MTUS2: variants seen among roughly 807,000 people sequenced by gnomAD.
MTUS2 encodes the protein microtubule associated scaffold protein 2.
MTUS2 carries 40 observed loss-of-function variants against 114.1 expected under a neutral mutation model. The ratio of observed to expected loss-of-function variants is 0.35; its 90% CI spans 0.27 to 0.46. The LOEUF is 0.46. Among genes scored for constraint, MTUS2 ranks in the 20% least tolerant of loss-of-function variants. MTUS2 has a pLI of 1.00. For missense variants in MTUS2, 1,679 were observed against 1,705.4 expected, an observed-to-expected ratio of 0.98 and a Z score of 0.27; for synonymous variants, 688 against 672.0, an observed-to-expected ratio of 1.02 and a Z score of -0.37.
chr13:28,841,223 A>T (rs2137986985), intron 2 of MTUS2, among the ~76,000 whole-genome samples: 1 of 152,334 alleles, frequency 6.6e-6, no homozygotes, highest in South Asian at 2.1e-4. Context: ...TTTGATAGAT[A>T]TTGGTTGACA....
At chr13:29,371,615 A>G (rs1312129545) in intron 8 of MTUS2, among the ~76,000 whole-genome samples, 7 of 152,212 alleles carry the variant, frequency 4.6e-5, no homozygotes, top group Non-Finnish European at 1.0e-4. Flanking sequence ...TTATTCATAA[A>G]ATGTTTCTGA....
intron 5 of MTUS2, among the ~76,000 whole-genome samples, chr13:29,153,024 T>C (rs1026026137): frequency 5.3e-5 from 8 of 152,230 alleles, no homozygotes; most frequent in Admixed American, 4.6e-4. Flanking sequence ...TAGGAGATCC[T>C]GTGACCCTGG....
chr13:29,004,479 T>C (rs1885520414), intron 2 of MTUS2, among the ~76,000 whole-genome samples: 1 of 152,230 alleles, frequency 6.6e-6, no homozygotes, highest in Admixed American at 6.5e-5. Context: ...TTTAAGTGAA[T>C]GTTTGTAAGA....
intron 5 of MTUS2, among the ~76,000 whole-genome samples, chr13:29,122,448 G>GA (rs1259462023): frequency 6.6e-6 from 1 of 152,134 alleles, no homozygotes; most frequent in Non-Finnish European, 1.5e-5. Context: ...AGCAAAGGGG[G>GA]AAAAGCCCCT....
intron 5 of MTUS2, among the ~76,000 whole-genome samples, chr13:29,262,588 A>G (rs1897516952): frequency 6.6e-6 from 1 of 150,930 alleles, no homozygotes; most frequent in Admixed American, 6.6e-5. Context: ...AAAAAAAGTA[A>G]GTTTGAAGGA....
chr13:29,090,605 G>T (rs1316998348), intron 4 of MTUS2, among the ~76,000 whole-genome samples: 1 of 152,246 alleles, frequency 6.6e-6, no homozygotes, highest in African/African-American at 2.4e-5. Flanking sequence ...GGCAGTGGCT[G>T]CCAGCAAGCA....
At chr13:29,407,026 C>G (rs1874807927) in intron 8 of MTUS2, among the ~76,000 whole-genome samples, 1 of 152,168 alleles carries the variant, frequency 6.6e-6, no homozygotes, top group Non-Finnish European at 1.5e-5. Flanking sequence ...CGGGTGATCA[C>G]TTGAGGTCAG....
chr13:29,369,659 G>C (rs551941014), intron 8 of MTUS2, among the ~76,000 whole-genome samples: 1 of 152,224 alleles, frequency 6.6e-6, no homozygotes, highest in Non-Finnish European at 1.5e-5. Context: ...GTGTATACCT[G>C]TGATCCAGTC....
intron 8 of MTUS2, among the ~76,000 whole-genome samples, chr13:29,400,777 T>C (rs1034091013): frequency 6.6e-6 from 1 of 152,198 alleles, no homozygotes; most frequent in Non-Finnish European, 1.5e-5. Flanking sequence ...TAGGTATACA[T>C]TTTTCCCCTA....
At chr13:29,443,354 C>T (rs538707415) in intron 9 of MTUS2, among the ~76,000 whole-genome samples, 11 of 152,276 alleles carry the variant, frequency 7.2e-5, no homozygotes, top group African/African-American at 2.2e-4. Context: ...GGTTGGGTGC[C>T]GGGTGTGCCA....
intron 11 of MTUS2, among the ~76,000 whole-genome samples, chr13:29,491,828 G>GTT (rs1257747170): frequency 1.3e-5 from 2 of 149,696 alleles, no homozygotes; most frequent in African/African-American, 2.5e-5. Flanking sequence ...AGGTGTGTGT[G>GTT]TGTGGTAGGT....
At chr13:29,054,079 A>G (rs541637007) in intron 4 of MTUS2, among the ~76,000 whole-genome samples, 77 of 152,306 alleles carry the variant, frequency 5.1e-4, no homozygotes, top group African/African-American at 1.8e-3. Flanking sequence ...AGTGTCTGAA[A>G]TTGTTAGTCT....
chr13:29,024,507 TTCCTGCTGTATA>T lies in MTUS2; in HGVS notation c.-189_-178del, dbSNP rs1236939650. The stretch of plus-strand genomic sequence containing the variant: ...TCAGCAGGAACCTAACAGATAAGTC[TTCCTGCTGTATA>T]TCAAGACAATGCTTGGTTTTCAAGC... On this transcript the variant is annotated 5_prime_UTR_variant, in exon 3 of 16. Transcript: ENST00000612955. The T allele has an allele frequency of 1.6e-6, 1 of 641,026 alleles. No homozygotes were observed. Among genetic ancestry groups the T allele is most frequent in the Non-Finnish European group, 2.6e-6 (1 of 377,508 alleles). 39.7% of individuals were successfully genotyped at this position (641,026 alleles called of 1,614,324 possible).
chr13:29,337,062 A>ATC (rs1005285902), intron 7 of MTUS2, among the ~76,000 whole-genome samples: 4 of 152,094 alleles, frequency 2.6e-5, no homozygotes, highest in African/African-American at 9.7e-5. Context: ...AAGCCAGTGG[A>ATC]TCTTAGCTTG....
chr13:29,140,897 C>G (rs890927567), intron 5 of MTUS2, among the ~76,000 whole-genome samples: 1 of 152,156 alleles, frequency 6.6e-6, no homozygotes, highest in African/African-American at 2.4e-5. Context: ...GCCTGGCATT[C>G]TATTTCTAGA....
intron 9 of MTUS2, among the ~76,000 whole-genome samples, chr13:29,441,027 C>A (rs1877803244): frequency 6.6e-6 from 1 of 152,182 alleles, no homozygotes; most frequent in Non-Finnish European, 1.5e-5. Context: ...TCTGTGACTT[C>A]TTTTAACATT....
At chr13:28,831,369 TAAACATGACTC>T (rs1489284812) in intron 1 of MTUS2, among the ~76,000 whole-genome samples, 6 of 152,032 alleles carry the variant, frequency 3.9e-5, no homozygotes, top group African/African-American at 1.5e-4. Flanking sequence ...AAACATGAAA[TAAACATGACTC>T]AACTATATGC....
intron 9 of MTUS2, among the ~76,000 whole-genome samples, chr13:29,448,559 G>A (rs1878449467): frequency 6.6e-6 from 1 of 151,254 alleles, no homozygotes; most frequent in Non-Finnish European, 1.5e-5. Flanking sequence ...CAGTACTGCT[G>A]GACAAAGCTG....
Position 29,025,511 on chromosome 13 carries a change from T to A in MTUS2, c.813T>A (p.Ser271Arg). Residue 271 changes from serine to arginine, a missense_variant, in exon 3 of 16, where the codon AGT becomes AGA. Ser to Arg is a moderately radical substitution (Grantham distance 110). Coordinates refer to ENST00000612955, the MANE Select transcript of MTUS2 (RefSeq NM_001033602.4). ...GGGCACATGTACTGCAGGTGTGCAG[T>A]GAGCACACATCACATTCCGCCCATC... ...TVGAHVLQVC[S>R]EHTSHSAHPE... is the part of the protein sequence containing the mutation. 1 of 1,613,616 alleles carries A rather than the reference T, an allele frequency of 6.2e-7. No individual in the cohort carries two copies. Among genetic ancestry groups the A allele is most frequent in the Non-Finnish European group, 8.5e-7 (1 of 1,179,706 alleles).
Sources: gnomAD v4.1 joint callset for allele counts (sites outside exome capture counted in the v4.1 genomes callset) on GRCh38, gnomAD v4.1.1 for gene constraint, MANE v1.5 for transcripts, NCBI Gene and HGNC (gene_info 2026-07-23, HGNC 2026-07-21) for gene names.